Variants in ITGB3BP observed in about 807,000 individuals in gnomAD.
ITGB3BP encodes centromere protein R.
A neutral mutation model predicts 29.1 loss-of-function variants in ITGB3BP; 27 were observed. The ratio of observed to expected loss-of-function variants is 0.93; its 90% CI spans 0.68 to 1.28. The LOEUF (loss-of-function observed/expected upper bound fraction) is 1.28, where lower values mean the gene tolerates loss of function less well. Among genes scored for constraint, ITGB3BP ranks in the 50% most tolerant of loss-of-function variants. The probability of loss-of-function intolerance (pLI) is 0.00; values close to 1 mark genes in which losing one functional copy is unlikely to be tolerated. For synonymous variants in ITGB3BP, 61 were observed against 61.4 expected (o/e 0.99, Z 0.03); for missense variants, 192 against 200.2 (o/e 0.96, Z 0.25).
chr1:63,495,170 A>G (rs1164366315), intron 2 of ITGB3BP, among the ~76,000 whole-genome samples: 2 of 152,200 alleles, frequency 1.3e-5, no homozygotes, highest in Non-Finnish European at 2.9e-5. Context: ...AATTTTGTAA[A>G]TAAAGTGAGA....
intron 4 of ITGB3BP, among the ~76,000 whole-genome samples, chr1:63,461,932 G>A (rs1645024623): frequency 6.6e-6 from 1 of 152,284 alleles, no homozygotes; most frequent in Non-Finnish European, 1.5e-5. Flanking sequence ...TTTCAAGATT[G>A]TTTGGCTATT....
At chr1:63,502,655 C>CCTCT (rs1553165641) in intron 2 of ITGB3BP, among the ~76,000 whole-genome samples, 1 of 141,562 alleles carries the variant, frequency 7.1e-6, no homozygotes. Flanking sequence ...CTAATGCTAT[C>CCTCT]CCTCTCCCCT....
intron 2 of ITGB3BP, among the ~76,000 whole-genome samples, chr1:63,492,926 T>A (rs764225770): frequency 2.0e-5 from 3 of 148,194 alleles, no homozygotes; most frequent in South Asian, 2.1e-4. Context: ...CTGAGCAACA[T>A]GACAAAACCC....
chr1:63,497,757 C>T (rs563901233), intron 2 of ITGB3BP, among the ~76,000 whole-genome samples: 8 of 152,122 alleles, frequency 5.3e-5, no homozygotes, highest in Non-Finnish European at 7.4e-5. Context: ...TGAGTGTGTA[C>T]CTGTCTGTTC....
intron 7 of ITGB3BP, chr1:63,447,424 T>C (rs1361929097): frequency 2.1e-5 from 8 of 382,184 alleles, no homozygotes; most frequent in Non-Finnish European, 2.1e-5. Context: ...CATACATAGA[T>C]AAGACTTTTT....
At chr1:63,510,198 A>G in intron 1 of ITGB3BP, 1 of 505,118 alleles carries the variant, frequency 2.0e-6, no homozygotes, top group South Asian at 3.1e-5. Context: ...CAAAAAAAAA[A>G]GAAAAAGAAA....
At chr1:63,520,063 A>C (rs1333740551) in intron 1 of ITGB3BP, among the ~76,000 whole-genome samples, 1 of 152,140 alleles carries the variant, frequency 6.6e-6, no homozygotes, top group Non-Finnish European at 1.5e-5. Context: ...AGCAAGACTA[A>C]ACAAATGGTA....
At position 63,500,641 on chromosome 1, in the gene ITGB3BP, A is replaced by G. The variant is rs544648055; in HGVS notation, c.48+7887T>C. Among the ~76,000 whole-genome samples the G allele has an allele frequency of 8.5e-5, 13 of 152,342 alleles. No homozygotes were observed. In the South Asian group the frequency reaches 2.7e-3, roughly 32 times the overall value. ...GAAAGATAATAAGCGAGATCTAAAT[A>G]AACAGAAATATATCTCACATTCATG... On this transcript the variant is annotated intron_variant, in intron 2 of 8. Coordinates refer to ENST00000271002, the MANE Select transcript of ITGB3BP (RefSeq NM_014288.5).
chr1:63,446,523 A>C, intron 8 of ITGB3BP: 1 of 346,684 alleles, frequency 2.9e-6, no homozygotes, highest in Non-Finnish European at 5.3e-6. Context: ...TGCTTGATTA[A>C]GGACCCTTTT....
chr1:63,519,276 T>C (rs1216427260), intron 1 of ITGB3BP, among the ~76,000 whole-genome samples: 1 of 152,122 alleles, frequency 6.6e-6, no homozygotes, highest in Non-Finnish European at 1.5e-5. Context: ...GGGTAAATCA[T>C]CTAACCCAAA....
chr1:63,473,317 G>C (rs528215942), intron 4 of ITGB3BP, among the ~76,000 whole-genome samples: 215 of 151,696 alleles, frequency 1.4e-3, no homozygotes, highest in African/African-American at 5.1e-3. Context: ...GTCTCCGCCC[G>C]GCAGCCACCC....
At chr1:63,479,343 A>G in intron 3 of ITGB3BP, among the ~76,000 whole-genome samples, 1 of 152,292 alleles carries the variant, frequency 6.6e-6, no homozygotes, top group East Asian at 1.9e-4. Context: ...TTTTAAACTG[A>G]CACAATATTT....
At chr1:63,516,314 AAAAGAG>A (rs1646320977) in intron 1 of ITGB3BP, among the ~76,000 whole-genome samples, 1 of 113,928 alleles carries the variant, frequency 8.8e-6, no homozygotes, top group Non-Finnish European at 1.8e-5. Flanking sequence ...AAAAAAAAAA[AAAAGAG>A]GAGAGGGGAG....
At chr1:63,524,934 A>G (rs1321136047), upstream of ITGB3BP, among the ~76,000 whole-genome samples, 4 of 152,208 alleles carry the variant, frequency 2.6e-5, no homozygotes, top group African/African-American at 9.6e-5. Context: ...CAGTAAAACT[A>G]TGATAATGCT....
intron 4 of ITGB3BP, among the ~76,000 whole-genome samples, chr1:63,476,871 T>A (rs577463623): frequency 1.3e-5 from 2 of 152,368 alleles, no homozygotes; most frequent in Admixed American, 1.3e-4. Flanking sequence ...TCCTTTTGTA[T>A]AATTTGAACT....
intron 1 of ITGB3BP, among the ~76,000 whole-genome samples, chr1:63,519,621 A>C (rs895040627): frequency 6.6e-6 from 1 of 152,126 alleles, no homozygotes; most frequent in Non-Finnish European, 1.5e-5. Context: ...TTTATAAAAG[A>C]AATTATATAA....
chr1:63,473,348 G>A (rs1006311850), intron 4 of ITGB3BP, among the ~76,000 whole-genome samples: 6 of 150,676 alleles, frequency 4.0e-5, no homozygotes, highest in African/African-American at 1.5e-4. Flanking sequence ...GGAGGTGGCG[G>A]GGGGTCAGCC....
At chr1:63,520,044 A>G (rs1646414070) in intron 1 of ITGB3BP, among the ~76,000 whole-genome samples, 1 of 152,160 alleles carries the variant, frequency 6.6e-6, no homozygotes, top group Non-Finnish European at 1.5e-5. Flanking sequence ...ATGATGATGT[A>G]CACTAATTAG....
chr1:63,524,079 C>T (rs895530684), upstream of ITGB3BP, among the ~76,000 whole-genome samples: 1 of 152,046 alleles, frequency 6.6e-6, no homozygotes, highest in African/African-American at 2.4e-5. Context: ...TTTGGTTTCT[C>T]GTCACAGAAA....
Sources: gnomAD v4.1 joint callset for allele counts (sites outside exome capture counted in the v4.1 genomes callset) on GRCh38, gnomAD v4.1.1 for gene constraint, MANE v1.5 for transcripts, NCBI Gene and HGNC (gene_info 2026-07-23, HGNC 2026-07-21) for gene names.